PTPRZ1: variants seen among roughly 807,000 people sequenced by gnomAD.
PTPRZ1 encodes protein tyrosine phosphatase receptor type Z1.
A neutral mutation model predicts 214.1 loss-of-function variants in PTPRZ1; 82 were observed. The observed-to-expected ratio is 0.38, with a 90% CI of 0.32 to 0.46. PTPRZ1 has a LOEUF of 0.46. Among genes scored for constraint, PTPRZ1 ranks in the 20% least tolerant of loss-of-function variants. The pLI is 1.00. For synonymous variants in PTPRZ1, 945 were observed against 987.9 expected (o/e 0.96, Z 0.81); for missense variants, 2,603 against 2,748.7 (o/e 0.95, Z 1.19).
intron 2 of PTPRZ1, among the ~76,000 whole-genome samples, chr7:121,932,135 A>T (rs183871437): frequency 1.6e-3 from 248 of 152,352 alleles, no homozygotes; most frequent in Middle Eastern, 3.4e-3. Context: ...CTCAAAACTG[A>T]GATGACATAA....
intron 15 of PTPRZ1, among the ~76,000 whole-genome samples, chr7:122,032,652 C>T (rs1297219498): frequency 6.6e-6 from 1 of 152,066 alleles, no homozygotes. Context: ...AGGACTCACA[C>T]CCATCATTAT....
Position 121,928,049 on chromosome 7 carries a change from G to A in PTPRZ1, c.59-107G>A, listed in dbSNP as rs1795815428. 3 of 775,268 alleles carry A rather than the reference G, an allele frequency of 3.9e-6. No individual in the cohort carries two copies. The South Asian group carries it at 4.9e-5, about 13-fold the overall frequency. The allele number at this position is 775,268 out of a possible 1,614,324, so 48.0% of individuals were successfully genotyped here. A position where few individuals can be genotyped will look rare whatever the true frequency, so the allele number is the denominator to read the frequency against. Reference sequence around the variant, plus strand: ...AGAGAACACATTGAGAAGATGACATGGAAAGGAGTAATCAAGAACTATTTA... The same window carrying A: ...AGAGAACACATTGAGAAGATGACATAGAAAGGAGTAATCAAGAACTATTTA... On this transcript the variant is annotated intron_variant, in intron 1 of 29. Transcript: ENST00000393386.
intron 6 of PTPRZ1, among the ~76,000 whole-genome samples, chr7:121,979,027 A>G (rs568432149): frequency 1.3e-5 from 2 of 151,180 alleles, no homozygotes; most frequent in Non-Finnish European, 2.9e-5. Context: ...CCACAGCTAA[A>G]TCCCCAAATT....
At chr7:121,879,592 G>A (rs933482597) in intron 1 of PTPRZ1, among the ~76,000 whole-genome samples, 4 of 152,148 alleles carry the variant, frequency 2.6e-5, no homozygotes, top group Non-Finnish European at 4.4e-5. Flanking sequence ...ATTAATCCTA[G>A]AGAGGATGTG....
At chr7:121,910,656 G>GA (rs1350657953) in intron 1 of PTPRZ1, among the ~76,000 whole-genome samples, 3 of 152,036 alleles carry the variant, frequency 2.0e-5, no homozygotes, top group African/African-American at 7.2e-5. Context: ...AGGAAGGGAA[G>GA]AAAAAAGAGA....
At chr7:121,975,316 C>A (rs112487384) in intron 4 of PTPRZ1, among the ~76,000 whole-genome samples, 49 of 152,248 alleles carry the variant, frequency 3.2e-4, no homozygotes, top group African/African-American at 1.1e-3. Flanking sequence ...TTCGATTTCC[C>A]ATGCTTGTCA....
At chr7:121,931,280 G>A (rs1388097810) in intron 2 of PTPRZ1, among the ~76,000 whole-genome samples, 2 of 152,154 alleles carry the variant, frequency 1.3e-5, no homozygotes, top group Non-Finnish European at 2.9e-5. Context: ...TGTTATCACA[G>A]AATAAAAGTC....
intron 8 of PTPRZ1, among the ~76,000 whole-genome samples, chr7:121,992,027 T>C (rs1797980486): frequency 6.6e-6 from 1 of 152,192 alleles, no homozygotes; most frequent in African/African-American, 2.4e-5. Flanking sequence ...TAGCATGTAT[T>C]TACGAAGCAC....
Position 121,939,812 on chromosome 7 carries a change from AT to A in PTPRZ1, c.124+11601del, listed in dbSNP as rs201740135. Among the ~76,000 whole-genome samples the A allele has an allele frequency of 1.7e-4, 25 of 150,716 alleles. No individual in the cohort carries two copies. In the Middle Eastern group the frequency reaches 0.01, roughly 62 times the overall value. The stretch of plus-strand genomic sequence containing the variant: ...ATGCAAACAATAGTGATTAAGCGTG[AT>A]TTTTTTTTTAAAGCATGGTAAATAC... On this transcript the variant is annotated intron_variant, in intron 2 of 29. Coordinates refer to ENST00000393386, the MANE Select transcript of PTPRZ1 (RefSeq NM_002851.3).
intron 22 of PTPRZ1, among the ~76,000 whole-genome samples, chr7:122,044,067 A>T (rs114035758): frequency 2.3e-4 from 35 of 152,324 alleles, no homozygotes; most frequent in African/African-American, 7.9e-4. Context: ...GGGTAGGCCC[A>T]CCAGAAGTGT....
intron 1 of PTPRZ1, among the ~76,000 whole-genome samples, chr7:121,897,839 A>G (rs1381214782): frequency 6.6e-6 from 1 of 152,218 alleles, no homozygotes; most frequent in Non-Finnish European, 1.5e-5. Context: ...TGCAGAGGAC[A>G]TCATGGTATA....
chr7:122,045,070 C>T (rs567789638), intron 23 of PTPRZ1, among the ~76,000 whole-genome samples: 1 of 152,218 alleles, frequency 6.6e-6, no homozygotes, highest in African/African-American at 2.4e-5. Context: ...GGCCATAAGC[C>T]AGAGACAAGA....
intron 15 of PTPRZ1, chr7:122,032,144 T>C (rs954060280): frequency 1.3e-5 from 2 of 152,162 alleles, no homozygotes. Context: ...AAATTTATCA[T>C]GGCCCACTGA....
chr7:121,991,740 GTAGAAT>G (rs1488465721), intron 8 of PTPRZ1, among the ~76,000 whole-genome samples: 22 of 152,208 alleles, frequency 1.4e-4, no homozygotes, highest in Non-Finnish European at 2.6e-4. Flanking sequence ...AGTGAAAGAG[GTAGAAT>G]TAGAAAGACT....
rs10229870 is a variant in PTPRZ1, at chr7:122,011,167, T to C, written c.2121T>C (p.Asp707=). 1.3e-3 allele frequency: 2,025 copies of C among 1,614,090 alleles called. 17 individuals carry two copies. The African/African-American group carries it at 0.021, about 17-fold the overall frequency. The stretch of plus-strand genomic sequence containing the variant: ...TGTCACAGGGTCCCTCAGTTACAGA[T>C]CTGGAAATGCCACATTATTCTACCT... ...PVMSQGPSVT[D]LEMPHYSTFA... is the part of the protein sequence containing the mutation. The change falls in exon 12 of 30, where the codon GAT becomes GAC. Residue 707 remains aspartate, a synonymous_variant. Coordinates refer to ENST00000393386, the MANE Select transcript of PTPRZ1 (RefSeq NM_002851.3).
At chr7:121,909,143 T>G (rs906249824) in intron 1 of PTPRZ1, among the ~76,000 whole-genome samples, 4 of 152,184 alleles carry the variant, frequency 2.6e-5, no homozygotes, top group Non-Finnish European at 4.4e-5. Context: ...CAAAGTTATT[T>G]TTAGCCTAGA....
In PTPRZ1 at chr7:121,984,018, C is replaced by A; in HGVS notation, c.829C>A (p.Leu277Met). ...AATGCAACAATCTGGTTATGTCATGCTGATGGACTACTTACAAAACAATTT... is the reference window on the plus strand; with the variant it reads ...AATGCAACAATCTGGTTATGTCATGATGATGGACTACTTACAAAACAATTT... ...LTMQQSGYVMLMDYLQNNFRE... is the reference protein window; with the variant it reads ...LTMQQSGYVMMMDYLQNNFRE... The change falls in exon 8 of 30, where the codon CTG (leucine) becomes ATG (methionine). Residue 277 changes from leucine (L) to methionine (M), a missense_variant. Transcript: ENST00000393386. 6.2e-7 allele frequency: 1 copy of A among 1,613,564 alleles called. No individual in the cohort carries two copies. The highest frequency in any genetic ancestry group is 8.5e-7 in the Non-Finnish European group (1 of 1,179,708).
chr7:121,916,626 G>A (rs1795436695), intron 1 of PTPRZ1, among the ~76,000 whole-genome samples: 1 of 152,176 alleles, frequency 6.6e-6, no homozygotes, highest in African/African-American at 2.4e-5. Context: ...CTTTTTAAAT[G>A]TTGTTCCTCT....
intron 23 of PTPRZ1, among the ~76,000 whole-genome samples, chr7:122,050,052 T>G (rs1354612526): frequency 6.6e-6 from 1 of 152,140 alleles, no homozygotes; most frequent in Non-Finnish European, 1.5e-5. Context: ...TAACATTGTA[T>G]CTCTACCACT....
Sources: allele counts gnomAD v4.1 joint callset (sites outside exome capture counted in the v4.1 genomes callset), GRCh38; gene constraint gnomAD v4.1.1; transcripts MANE v1.5; gene names NCBI Gene and HGNC (gene_info 2026-07-23, HGNC 2026-07-21).